Variants in FCHSD2 observed in about 807,000 individuals in gnomAD.
FCHSD2 encodes FCH and double SH3 domains 2.
FCHSD2 carries 38 observed loss-of-function variants against 108.1 expected under a neutral mutation model. That is an observed-to-expected ratio of 0.35 (90% CI 0.27 to 0.46). The LOEUF (loss-of-function observed/expected upper bound fraction) is 0.46, where lower values mean the gene tolerates loss of function less well. Among genes scored for constraint, FCHSD2 ranks in the 20% least tolerant of loss-of-function variants. FCHSD2 has a pLI of 1.00. For synonymous variants in FCHSD2, 279 were observed against 314.7 expected (o/e 0.89, Z 1.20); for missense variants, 751 against 897.8 (o/e 0.84, Z 2.09).
At chr11:72,860,277 C>G (rs934785640) in intron 13 of FCHSD2, among the ~76,000 whole-genome samples, 3 of 152,138 alleles carry the variant, frequency 2.0e-5, no homozygotes, top group African/African-American at 7.2e-5. Context: ...CTATAACCAA[C>G]CTGACTTAAT....
At chr11:72,965,845 G>A (rs890818251) in intron 8 of FCHSD2, among the ~76,000 whole-genome samples, 55 of 152,292 alleles carry the variant, frequency 3.6e-4, no homozygotes, top group Middle Eastern at 6.8e-3. Context: ...TCTACCTCAT[G>A]ACCAGGATTA....
At chr11:73,016,904 C>T (rs540936769) in intron 3 of FCHSD2, among the ~76,000 whole-genome samples, 2 of 152,122 alleles carry the variant, frequency 1.3e-5, no homozygotes, top group African/African-American at 4.8e-5. Flanking sequence ...ATTGAGAAGA[C>T]CATTTTGTTA....
At chr11:72,844,084 T>G (rs1012802227) in intron 14 of FCHSD2, among the ~76,000 whole-genome samples, 22 of 152,258 alleles carry the variant, frequency 1.4e-4, no homozygotes, top group South Asian at 1.0e-3. Flanking sequence ...CTGTATCAAG[T>G]TATTCAACTT....
At chr11:72,879,126 CA>C (rs944194455) in intron 12 of FCHSD2, among the ~76,000 whole-genome samples, 2 of 150,824 alleles carry the variant, frequency 1.3e-5, no homozygotes, top group Non-Finnish European at 3.0e-5. Flanking sequence ...CAAAACAAAA[CA>C]AAAAAACAAA....
At chr11:73,121,342 T>C (rs1210607108) in intron 2 of FCHSD2, among the ~76,000 whole-genome samples, 1 of 152,044 alleles carries the variant, frequency 6.6e-6, no homozygotes, top group South Asian at 2.1e-4. Flanking sequence ...AACCAGATAG[T>C]CCATTATTCC....
intron 3 of FCHSD2, among the ~76,000 whole-genome samples, chr11:73,036,996 A>G (rs1423688479): frequency 6.6e-6 from 1 of 152,236 alleles, no homozygotes; most frequent in Non-Finnish European, 1.5e-5. Context: ...TCACACAGAT[A>G]GGGACTGCCA....
chr11:72,964,017 T>C (rs1212702745), intron 8 of FCHSD2, among the ~76,000 whole-genome samples: 1 of 152,234 alleles, frequency 6.6e-6, no homozygotes. Context: ...GCTCTATCCA[T>C]TTCAATGACT....
chr11:73,069,981 G>A (rs187466666), intron 3 of FCHSD2, among the ~76,000 whole-genome samples: 4 of 152,170 alleles, frequency 2.6e-5, no homozygotes, highest in Admixed American at 2.6e-4. Flanking sequence ...CAGGTAGAAA[G>A]TTAGAATGCA....
rs190665296 is a variant in FCHSD2 at position 72,937,356 on chromosome 11, T to C, written c.706-15406A>G. Among the ~76,000 whole-genome samples the C allele has an allele frequency of 7.9e-5, 12 of 152,362 alleles. No individual in the cohort carries two copies. The East Asian group carries it at 2.1e-3, about 27-fold the overall frequency. ...GGCCATGTTATTTAAATAGTCTCTT[T>C]TGTGTGCATTTTTGACATCAAAGTA... On this transcript the variant is annotated intron_variant, in intron 8 of 19. Coordinates refer to ENST00000409418, the MANE Select transcript of FCHSD2 (RefSeq NM_014824.3).
intron 8 of FCHSD2, among the ~76,000 whole-genome samples, chr11:72,952,824 G>A (rs995034634): frequency 1.3e-5 from 2 of 152,176 alleles, no homozygotes; most frequent in Admixed American, 6.5e-5. Flanking sequence ...TATTTCCACA[G>A]GTGAAGAAAC....
At chr11:72,965,534 T>A (rs753056969) in intron 8 of FCHSD2, among the ~76,000 whole-genome samples, 1 of 152,238 alleles carries the variant, frequency 6.6e-6, no homozygotes, top group African/African-American at 2.4e-5. Context: ...ACTGCCATTA[T>A]AGTATTTTTT....
chr11:72,897,318 GTA>G (rs1491198970), intron 10 of FCHSD2, among the ~76,000 whole-genome samples: 1 of 88,106 alleles, frequency 1.1e-5, no homozygotes, highest in East Asian at 3.2e-4. Context: ...TTTAAAAAGA[GTA>G]AAAAAAAAAA....
At chr11:72,875,272 A>C (rs1854944678) in intron 12 of FCHSD2, among the ~76,000 whole-genome samples, 1 of 152,232 alleles carries the variant, frequency 6.6e-6, no homozygotes, top group Non-Finnish European at 1.5e-5. Flanking sequence ...AACAGCTTTT[A>C]TCATAGGTAC....
chr11:72,927,520 C>A (rs879875370), intron 8 of FCHSD2, among the ~76,000 whole-genome samples: 3 of 152,010 alleles, frequency 2.0e-5, no homozygotes, highest in Non-Finnish European at 4.4e-5. Context: ...ACCTTCTGTT[C>A]AATTTTGCTG....
rs113275345 is a variant in FCHSD2, at chr11:72,971,596, C to G, written c.705+12492G>C. On this transcript the variant is annotated intron_variant, in intron 8 of 19. Coordinates refer to ENST00000409418, the MANE Select transcript of FCHSD2 (RefSeq NM_014824.3). ...AAGGACCTGAGAGCACCTCTAGGAG[C>G]TGAGAATGACCCCAGCCTACAGCCA... Among the ~76,000 whole-genome samples the G allele has an allele frequency of 5.4e-3, 822 of 152,240 alleles. 4 individuals are homozygous for G. The highest frequency in any genetic ancestry group is 0.014 in the South Asian group (68 of 4,824).
chr11:73,112,231 T>C (rs1449397102), intron 2 of FCHSD2, among the ~76,000 whole-genome samples: 1 of 152,202 alleles, frequency 6.6e-6, no homozygotes, highest in East Asian at 1.9e-4. Flanking sequence ...TTATTTTTCC[T>C]TAATGTTTGA....
intron 3 of FCHSD2, among the ~76,000 whole-genome samples, chr11:73,036,316 A>G (rs1299194201): frequency 6.6e-6 from 1 of 151,814 alleles, no homozygotes; most frequent in Non-Finnish European, 1.5e-5. Context: ...AGTATAGGAA[A>G]TAAAAGACAA....
chr11:73,091,209 G>A (rs889172789), intron 2 of FCHSD2, among the ~76,000 whole-genome samples: 1 of 152,092 alleles, frequency 6.6e-6, no homozygotes, highest in African/African-American at 2.4e-5. Flanking sequence ...TATGGATAAT[G>A]CTGCTATCCA....
At position 72,941,014 on chromosome 11, in the gene FCHSD2, G is replaced by A. The variant is rs1456652090; in HGVS notation, c.706-19064C>T. On this transcript the variant is annotated intron_variant, in intron 8 of 19. Coordinates refer to ENST00000409418, the MANE Select transcript of FCHSD2 (RefSeq NM_014824.3). ...GACATCTACAGGCCGAAAGAGCCAT[G>A]GGCTTGGAAAGGACCGTATGTTCCA... 1.5e-5 allele frequency: 11 copies of A among 738,516 alleles called. No homozygotes were observed. The Admixed American group carries it at 1.9e-4, about 13-fold the overall frequency. The allele number at this position is 738,516 out of a possible 1,614,324, so 45.7% of individuals were successfully genotyped here. A position where few individuals can be genotyped will look rare whatever the true frequency, so the allele number is the denominator to read the frequency against.
Sources: gnomAD v4.1 joint callset for allele counts (sites outside exome capture counted in the v4.1 genomes callset) on GRCh38, gnomAD v4.1.1 for gene constraint, MANE v1.5 for transcripts, NCBI Gene and HGNC (gene_info 2026-07-23, HGNC 2026-07-21) for gene names.